The following NBEAL1 variants were observed in gnomAD, a reference collection of about 807,000 sequenced individuals.
The protein encoded by NBEAL1 is neurobeachin-like protein 1.
A neutral mutation model predicts 351.3 loss-of-function variants in NBEAL1; 273 were observed. The ratio of observed to expected loss-of-function variants is 0.78; its 90% CI spans 0.70 to 0.86. The LOEUF (loss-of-function observed/expected upper bound fraction) is 0.86. Among genes scored for constraint, NBEAL1 ranks in the 40% least tolerant of loss-of-function variants. The pLI, the probability that NBEAL1 is intolerant of heterozygous loss-of-function variation, is 0.00. For synonymous variants in NBEAL1, 1,050 were observed against 1,086.4 expected (o/e 0.97, Z 0.66); for missense variants, 2,961 against 3,201.3 (o/e 0.92, Z 1.81).
chr2:203,032,474 G>A (rs980713390), intron 2 of NBEAL1, among the ~76,000 whole-genome samples: 2 of 151,490 alleles, frequency 1.3e-5, no homozygotes, highest in African/African-American at 2.4e-5. Flanking sequence ...TGGCTAACAC[G>A]GTGAAACCCC....
chr2:203,184,292 G>T (rs975532587), intron 44 of NBEAL1, among the ~76,000 whole-genome samples: 1 of 151,976 alleles, frequency 6.6e-6, no homozygotes, highest in African/African-American at 2.4e-5. Flanking sequence ...TTAGGTGGGT[G>T]TGTTGGCGGG....
chr2:203,150,609 T>G (rs558236875), intron 34 of NBEAL1, among the ~76,000 whole-genome samples: 7 of 152,102 alleles, frequency 4.6e-5, no homozygotes, highest in African/African-American at 1.7e-4. Flanking sequence ...TTTTTTTGGG[T>G]TTTTTTGGTG....
In NBEAL1 at chr2:203,174,284, G is replaced by C. The variant is rs1249831187; in HGVS notation, c.6324-863G>C. Among the ~76,000 whole-genome samples the C allele has an allele frequency of 2.3e-5, 3 of 132,036 alleles. No individual in the cohort carries two copies. In the East Asian group the frequency reaches 7.2e-4, roughly 32 times the overall value. 86.6% of individuals were successfully genotyped at this position (132,036 alleles called of 152,430 possible). On this transcript the variant is annotated intron_variant, in intron 41 of 55. Transcript: ENST00000683969. ...TAAGTGTCTAAAAAGTAAAGAAATA[G>C]TTAAATTGTGGTACATCTATACAGT...
intron 10 of NBEAL1, among the ~76,000 whole-genome samples, chr2:203,088,222 T>C (rs1175722992): frequency 1.3e-5 from 2 of 152,362 alleles, no homozygotes; most frequent in Middle Eastern, 3.4e-3. Flanking sequence ...TTATGATATA[T>C]ATTGGAATAT....
chr2:203,105,188 C>T lies in NBEAL1; in HGVS notation c.1270-2232C>T, dbSNP rs183725502. 1.1e-3 allele frequency among the ~76,000 whole-genome samples: 171 copies of T among 151,634 alleles called. 1 individual carries two copies. Among genetic ancestry groups the T allele is most frequent in the African/African-American group, 3.7e-3 (153 of 41,416 alleles). On this transcript the variant is annotated intron_variant, in intron 12 of 55. Coordinates refer to ENST00000683969, the MANE Select transcript of NBEAL1 (RefSeq NM_001378026.1). ...TTTAAGAATGCTGAATATGGATGGG[C>T]GCAGTCGCTCACACCTGTGATCCCA...
At chr2:203,124,204 A>G (rs1250210617) in intron 19 of NBEAL1, among the ~76,000 whole-genome samples, 2 of 152,178 alleles carry the variant, frequency 1.3e-5, no homozygotes, top group African/African-American at 2.4e-5. Context: ...GTGGTGGCAC[A>G]TGCCTGTAGT....
At chr2:203,059,996 C>T (rs1002733384) in intron 6 of NBEAL1, among the ~76,000 whole-genome samples, 1 of 152,224 alleles carries the variant, frequency 6.6e-6, no homozygotes, top group African/African-American at 2.4e-5. Context: ...TCCTCCTCTT[C>T]CTCCTACTCT....
At chr2:203,205,134 AGTT>A in intron 51 of NBEAL1, among the ~76,000 whole-genome samples, 1 of 152,254 alleles carries the variant, frequency 6.6e-6, no homozygotes, top group Admixed American at 6.5e-5. Flanking sequence ...AGGTTTCACT[AGTT>A]GTGTTTTTCA....
intron 27 of NBEAL1, among the ~76,000 whole-genome samples, chr2:203,135,309 A>G (rs1266887720): frequency 6.6e-6 from 1 of 152,176 alleles, no homozygotes; most frequent in Non-Finnish European, 1.5e-5. Context: ...CCTAGCACAT[A>G]GTAGGTGTGC....
intron 46 of NBEAL1, among the ~76,000 whole-genome samples, chr2:203,192,963 C>CTTTCTTT (rs1559053742): frequency 2.0e-5 from 2 of 99,330 alleles, no homozygotes; most frequent in African/African-American, 3.9e-5. Context: ...TTCTTTCTTT[C>CTTTCTTT]TTTTTTTTTT....
At chr2:203,044,971 A>G (rs2061203420) in intron 3 of NBEAL1, among the ~76,000 whole-genome samples, 1 of 152,220 alleles carries the variant, frequency 6.6e-6, no homozygotes, top group African/African-American at 2.4e-5. Flanking sequence ...AAAGAAGCAT[A>G]GAATTTTGAA....
chr2:203,140,314 A>G (rs2063333943), intron 31 of NBEAL1, among the ~76,000 whole-genome samples: 1 of 152,018 alleles, frequency 6.6e-6, no homozygotes, highest in Admixed American at 6.6e-5. Context: ...AAAAAAAAAA[A>G]AAGAAAATAC....
At chr2:203,091,877 G>T (rs1173371078) in intron 10 of NBEAL1, among the ~76,000 whole-genome samples, 5 of 152,118 alleles carry the variant, frequency 3.3e-5, no homozygotes, top group Non-Finnish European at 7.4e-5. Flanking sequence ...ATTAACACTA[G>T]TGTGAGCATT....
chr2:203,208,806 C>T, intron 52 of NBEAL1, 53 bp downstream of exon 52: 1 of 1,347,418 alleles, frequency 7.4e-7, no homozygotes, highest in Non-Finnish European at 1.0e-6. Flanking sequence ...AATTTATTAC[C>T]AACACTTATA....
chr2:203,131,736 A>G (rs1057086267), intron 25 of NBEAL1, among the ~76,000 whole-genome samples: 1 of 152,188 alleles, frequency 6.6e-6, no homozygotes, highest in African/African-American at 2.4e-5. Flanking sequence ...TACTTAAGGA[A>G]TAAAATGATG....
intron 10 of NBEAL1, among the ~76,000 whole-genome samples, chr2:203,094,455 A>C (rs2062135324): frequency 6.6e-6 from 1 of 152,206 alleles, no homozygotes; most frequent in African/African-American, 2.4e-5. Flanking sequence ...GTATAGAATA[A>C]AGACAGTTTT....
chr2:203,048,791 T>G (rs1326218139), intron 3 of NBEAL1, among the ~76,000 whole-genome samples: 4 of 152,162 alleles, frequency 2.6e-5, no homozygotes, highest in Non-Finnish European at 5.9e-5. Flanking sequence ...AAGAACCATA[T>G]AGTCTTACAT....
intron 51 of NBEAL1, among the ~76,000 whole-genome samples, 175 bp downstream of exon 51, chr2:203,202,956 CT>C (rs1464276005): frequency 6.6e-6 from 1 of 152,192 alleles, no homozygotes; most frequent in Non-Finnish European, 1.5e-5. Flanking sequence ...GGTTTACTGT[CT>C]GATTCATTAC....
chr2:203,217,153 A>G, intron 55 of NBEAL1, 100 bp from the exon 56 acceptor site: 1 of 849,830 alleles, frequency 1.2e-6, no homozygotes, highest in Non-Finnish European at 1.7e-6. Context: ...TTCTGCTAAC[A>G]ATTTGTTTCT....
Sources: gnomAD v4.1 joint callset for allele counts (sites outside exome capture counted in the v4.1 genomes callset) on GRCh38, gnomAD v4.1.1 for gene constraint, MANE v1.5 for transcripts, NCBI Gene and HGNC (gene_info 2026-07-23, HGNC 2026-07-21) for gene names.